The following ZFX variants were observed in gnomAD, a reference collection of about 807,000 sequenced individuals.
The protein encoded by ZFX is zinc finger X-chromosomal protein.
For missense variants in ZFX, 362 were observed against 628.3 expected, an observed-to-expected ratio of 0.58 and a Z score of 4.53; for synonymous variants, 196 against 226.8, an observed-to-expected ratio of 0.86 and a Z score of 1.22.
rs751344546 is a variant in ZFX, at chrX:24,207,244, A to AT, written c.647-82_647-81insT. ...AGTGAGACTCCGTCTCAAAAAAAAAAATTTTTTTTTTTTTTTTTGCGAATA... is the reference window on the plus strand; with the variant it reads ...AGTGAGACTCCGTCTCAAAAAAAAAATATTTTTTTTTTTTTTTTTGCGAATA... On this transcript the variant is annotated intron_variant, in intron 5 of 9. Coordinates refer to ENST00000304543, the MANE Select transcript of ZFX (RefSeq NM_003410.4). The AT allele has an allele frequency of 1.2e-4, 105 of 850,191 alleles. No individual in the cohort carries two copies. In the East Asian group the frequency reaches 2.1e-3, roughly 17 times the overall value. The allele number at this position is 850,191 out of a possible 1,213,427, so 70.1% of individuals were successfully genotyped here. A position where few individuals can be genotyped will look rare whatever the true frequency, so the allele number is the denominator to read the frequency against.
In ZFX at chrX:24,211,425, A is replaced by T; in HGVS notation, c.*49A>T. The stretch of plus-strand genomic sequence containing the variant: ...AGAGATATTGGCCTTGAAGCAGAAA[A>T]TTCATTTTAAAGCCAATCAGTCTCA... On this transcript the variant is annotated 3_prime_UTR_variant, in exon 10 of 10. Transcript: ENST00000304543. 8.5e-7 allele frequency: 1 copy of T among 1,170,444 alleles called. No individual in the cohort carries two copies. The highest frequency in any genetic ancestry group is 1.2e-6 in the Non-Finnish European group (1 of 863,669).
chrX:24,195,526 T>A (rs1344953166), intron 5 of ZFX, among the ~76,000 whole-genome samples: 3 of 110,651 alleles, frequency 2.7e-5, no homozygotes, highest in African/African-American at 9.9e-5. Context: ...CTAACTTTTT[T>A]TGTATTTTTA....
intron 3 of ZFX, among the ~76,000 whole-genome samples, chrX:24,153,334 C>T (rs1014642724): frequency 3.1e-4 from 35 of 111,528 alleles, no homozygotes; most frequent in African/African-American, 1.1e-3. Flanking sequence ...CCTTTCCTGT[C>T]TTCACCTAGG....
At position 24,214,334 on chromosome X, in the gene ZFX, A is replaced by T. The variant is rs2148096037; in HGVS notation, c.*2958A>T. The T allele has an allele frequency of 8.9e-6, 1 of 112,048 alleles. No individual in the cohort carries two copies. Among genetic ancestry groups the T allele is most frequent in the South Asian group, 3.7e-4 (1 of 2,714 alleles). 9.2% of individuals were successfully genotyped at this position (112,048 alleles called of 1,213,427 possible). ...TACATAAAAAGAAAATCATATAGGG[A>T]TGTGTGACATTATTGTAATTGTGTA... On this transcript the variant is annotated 3_prime_UTR_variant, in exon 10 of 10. Coordinates refer to ENST00000304543, the MANE Select transcript of ZFX (RefSeq NM_003410.4).
chrX:24,187,795 C>T (rs1400740157), intron 5 of ZFX, among the ~76,000 whole-genome samples: 2 of 111,206 alleles, frequency 1.8e-5, no homozygotes, highest in South Asian at 7.5e-4. Flanking sequence ...AGTTCACAGT[C>T]TGGGAGGGAA....
At chrX:24,189,370 C>T (rs760628076) in intron 5 of ZFX, among the ~76,000 whole-genome samples, 44 of 111,842 alleles carry the variant, frequency 3.9e-4, no homozygotes, top group Admixed American at 1.1e-3. Flanking sequence ...TAAAGGGACT[C>T]CTGCAAATGT....
Position 24,212,847 on chromosome X carries a change from T to C in ZFX, c.*1471T>C, listed in dbSNP as rs1427799895. The C allele has an allele frequency of 1.8e-5, 2 of 112,482 alleles. No individual in the cohort carries two copies. Among genetic ancestry groups the C allele is most frequent in the African/African-American group, 6.5e-5 (2 of 30,912 alleles). 9.3% of individuals were successfully genotyped at this position (112,482 alleles called of 1,213,427 possible). On this transcript the variant is annotated 3_prime_UTR_variant, in exon 10 of 10. Transcript: ENST00000304543. Reference sequence around the variant, plus strand: ...GGATAAGGAAAGTCTGAGGCCTTATTTGGAACATCACTAAGTCTTCCACAG... The same window carrying C: ...GGATAAGGAAAGTCTGAGGCCTTATCTGGAACATCACTAAGTCTTCCACAG...
intron 4 of ZFX, among the ~76,000 whole-genome samples, chrX:24,176,332 C>G (rs1935133153): frequency 9.1e-6 from 1 of 109,862 alleles, no homozygotes; most frequent in Admixed American, 9.8e-5. Context: ...AGCCACCGTT[C>G]CCAGCCTAAA....
chrX:24,207,929 G>A, intron 7 of ZFX, 74 bp downstream of exon 7: 1 of 1,095,146 alleles, frequency 9.1e-7, no homozygotes, highest in Non-Finnish European at 1.2e-6. Context: ...TTTGAAATAA[G>A]TAGCATTATT....
chrX:24,173,591 G>GT (rs1195149102), intron 4 of ZFX: 10 of 1,142,162 alleles, frequency 8.8e-6, no homozygotes, highest in Non-Finnish European at 1.2e-5. Context: ...TGCGTTTTGG[G>GT]TTTTTTTGTT....
chrX:24,197,625 T>C (rs190146346), intron 5 of ZFX, among the ~76,000 whole-genome samples: 6 of 111,693 alleles, frequency 5.4e-5, no homozygotes, highest in Non-Finnish European at 3.8e-5. Context: ...ACTAGAAAAA[T>C]ATTTATAATG....
chrX:24,197,639 G>A (rs971364779), intron 5 of ZFX, among the ~76,000 whole-genome samples: 1 of 111,995 alleles, frequency 8.9e-6, no homozygotes, highest in African/African-American at 3.2e-5. Flanking sequence ...TATAATGGGA[G>A]ATTTTTTTCC....
intron 5 of ZFX, among the ~76,000 whole-genome samples, chrX:24,186,232 G>A (rs1313629965): frequency 1.8e-5 from 2 of 111,305 alleles, no homozygotes; most frequent in Admixed American, 9.6e-5. Flanking sequence ...ATTTCAGTAA[G>A]TTACTGGATC....
intron 6 of ZFX, 85 bp downstream of exon 6, chrX:24,207,560 T>A (rs1172597997): frequency 8.8e-7 from 1 of 1,139,487 alleles, no homozygotes; most frequent in Non-Finnish European, 1.2e-6. Context: ...TGAGAACATT[T>A]GGAGTCTCTT....
intron 3 of ZFX, among the ~76,000 whole-genome samples, chrX:24,165,666 T>C (rs933034402): frequency 1.3e-4 from 15 of 112,504 alleles, no homozygotes; most frequent in Non-Finnish European, 2.6e-4. Flanking sequence ...AGGATGGTTT[T>C]ATTTCATTTA....
chrX:24,172,875 T>G, intron 4 of ZFX, 75 bp downstream of exon 4: 1 of 996,185 alleles, frequency 1.0e-6, no homozygotes, highest in Non-Finnish European at 1.4e-6. Context: ...TTGCTAGAAC[T>G]CTCACATTGA....
chrX:24,180,532 C>T (rs1192160898), intron 5 of ZFX, among the ~76,000 whole-genome samples: 1 of 110,363 alleles, frequency 9.1e-6, no homozygotes, highest in African/African-American at 3.3e-5. Flanking sequence ...TAGGCACGCA[C>T]CACCACGCCT....
intron 9 of ZFX, 25 bp downstream of exon 9, chrX:24,209,065 G>T (rs1193400514): frequency 4.1e-6 from 5 of 1,209,831 alleles, no homozygotes; most frequent in African/African-American, 3.5e-5. Flanking sequence ...GTTCCATGGC[G>T]CAGCGTGCTC....
At chrX:24,202,852 C>G (rs1937389695) in intron 5 of ZFX, among the ~76,000 whole-genome samples, 1 of 112,030 alleles carries the variant, frequency 8.9e-6, no homozygotes, top group Admixed American at 9.5e-5. Flanking sequence ...TCTACCATCA[C>G]CAGACTGGGT....
Sources: gnomAD v4.1 joint callset for allele counts (sites outside exome capture counted in the v4.1 genomes callset) on GRCh38, gnomAD v4.1.1 for gene constraint, MANE v1.5 for transcripts, NCBI Gene and HGNC (gene_info 2026-07-23, HGNC 2026-07-21) for gene names.